The following XPO1 variants were observed in gnomAD, a reference collection of about 807,000 sequenced individuals.
XPO1 encodes the protein exportin-1.
A neutral mutation model predicts 133.3 loss-of-function variants in XPO1; 5 were observed. That is an observed-to-expected ratio of 0.04 (90% CI 0.02 to 0.08). XPO1 has a LOEUF of 0.08. XPO1 is among the 10% of genes least tolerant of loss of function. XPO1 has a pLI of 1.00. For synonymous variants in XPO1, 419 were observed against 408.2 expected, an observed-to-expected ratio of 1.03 and a Z score of -0.32; for missense variants, 506 against 1,267.5, an observed-to-expected ratio of 0.40 and a Z score of 9.12.
At chr2:61,483,350 C>A (rs1357123939) in intron 21 of XPO1, 2 of 346,966 alleles carry the variant, frequency 5.8e-6, no homozygotes, top group African/African-American at 2.1e-5. Flanking sequence ...ATATAATGGA[C>A]TTTGGGGACT....
intron 17 of XPO1, 32 bp downstream of exon 17, chr2:61,490,610 G>A: frequency 1.2e-6 from 2 of 1,613,426 alleles, no homozygotes; most frequent in Non-Finnish European, 1.7e-6. Flanking sequence ...TAAATCCCAT[G>A]AAAACTTTTA....
At chr2:61,513,721 A>G (rs1163476806) in intron 4 of XPO1, among the ~76,000 whole-genome samples, 2 of 152,236 alleles carry the variant, frequency 1.3e-5, no homozygotes, top group Non-Finnish European at 2.9e-5. Flanking sequence ...AAAAATCAAC[A>G]CTGATTTTAA....
rs1186741926 is a variant in XPO1, at chr2:61,483,134, C to G, written c.2678-43G>C. ...CCAATGGAAAGTTACTACAGACTGA[C>G]AGCACTCATGATAGTATTTAGCTCT... On this transcript the variant is annotated intron_variant, in intron 21 of 24. Transcript: ENST00000401558. 1.9e-6 allele frequency: 3 copies of G among 1,584,334 alleles called. No homozygotes were observed. The South Asian group carries it at 3.4e-5, about 18-fold the overall frequency.
chr2:61,504,707 A>C (rs1479883954), intron 4 of XPO1, among the ~76,000 whole-genome samples: 1 of 152,186 alleles, frequency 6.6e-6, no homozygotes, highest in Non-Finnish European at 1.5e-5. Flanking sequence ...AGGCAGCAAA[A>C]TGCTTGTGAG....
At chr2:61,499,478 A>C (rs187444145) in intron 7 of XPO1, among the ~76,000 whole-genome samples, 2 of 152,340 alleles carry the variant, frequency 1.3e-5, no homozygotes, top group Non-Finnish European at 2.9e-5. Flanking sequence ...CTATTAAACT[A>C]GTTACCATAC....
intron 17 of XPO1, among the ~76,000 whole-genome samples, chr2:61,490,418 C>G (rs1041310174): frequency 6.6e-6 from 1 of 152,000 alleles, no homozygotes; most frequent in Non-Finnish European, 1.5e-5. Flanking sequence ...AGGCTGATCT[C>G]GAACTTCTGG....
Position 61,508,938 on chromosome 2 carries a change from G to A in XPO1, c.302-6628C>T, listed in dbSNP as rs557223484. ...ATTCCAATTCCTCTCCTCCCCAGCA[G>A]CTAATTTTCACGTACAGTTTAAGTA... On this transcript the variant is annotated intron_variant, in intron 4 of 24. Transcript: ENST00000401558. Among the ~76,000 whole-genome samples, 3 of 152,258 alleles carry A rather than the reference G, an allele frequency of 2.0e-5. No individual in the cohort carries two copies. In the South Asian group the frequency reaches 6.2e-4, roughly 32 times the overall value.
At chr2:61,527,319 T>TC (rs1364404684) in intron 2 of XPO1, among the ~76,000 whole-genome samples, 1 of 75,902 alleles carries the variant, frequency 1.3e-5, no homozygotes, top group Non-Finnish European at 2.5e-5. Flanking sequence ...GCCATGACTC[T>TC]CCAAAAAAAA....
chr2:61,482,034 CTTTTTT>C (rs1195049382), intron 23 of XPO1, among the ~76,000 whole-genome samples: 4 of 71,368 alleles, frequency 5.6e-5, no homozygotes, highest in African/African-American at 1.5e-4. Context: ...CGTGCGTGGC[CTTTTTT>C]TTTTTTTTTT....
intron 3 of XPO1, chr2:61,526,196 C>A (rs2104779500): frequency 7.5e-7 from 1 of 1,329,852 alleles, no homozygotes; most frequent in East Asian, 3.1e-5. Flanking sequence ...AATCAGACAA[C>A]CAAAAAAGCC....
At position 61,499,663 on chromosome 2, in the gene XPO1, A is replaced by T. The variant is rs1284743048; in HGVS notation, c.590+50T>A. Reference sequence around the variant, plus strand: ...CTACAATTTACATCCAAACTGCTTGAAATTGTTTGAGAAATCACTTTAAAA... The same window carrying T: ...CTACAATTTACATCCAAACTGCTTGTAATTGTTTGAGAAATCACTTTAAAA... On this transcript the variant is annotated intron_variant, in intron 7 of 24. Transcript: ENST00000401558. 2.7e-6 allele frequency: 4 copies of T among 1,492,872 alleles called. No individual in the cohort carries two copies. In the South Asian group the frequency reaches 5.3e-5, roughly 20 times the overall value. 92.5% of individuals were successfully genotyped at this position (1,492,872 alleles called of 1,614,324 possible).
intron 4 of XPO1, among the ~76,000 whole-genome samples, chr2:61,521,095 C>T (rs1040217595): frequency 4.6e-5 from 7 of 152,126 alleles, no homozygotes; most frequent in African/African-American, 1.7e-4. Context: ...GAAATGAGAA[C>T]CTCTTTTAGG....
chr2:61,496,913 G>A lies in XPO1; in HGVS notation c.854C>T (p.Thr285Ile), dbSNP rs1458775350. ...TTGCATCATTGTCAGAGTAAATAGT[G>A]TTACAAATTGTTCTTCATATTGGCT... ...SVSQYEEQFV[T>I]LFTLTMMQLK... The change falls in exon 10 of 25, where the codon ACA becomes ATA. Residue 285 changes from threonine to isoleucine, a missense_variant. By Grantham distance (89) the Thr-to-Ile change is moderately conservative (BLOSUM62 -1). This residue lies in a region of XPO1 where 134 missense variants were observed against 261.6 expected (regional missense o/e 0.51). Coordinates refer to ENST00000401558, the MANE Select transcript of XPO1 (RefSeq NM_003400.4). 3 of 1,611,562 alleles carry A rather than the reference G, an allele frequency of 1.9e-6. No individual in the cohort carries two copies. The highest frequency in any genetic ancestry group is 1.1e-5 in the South Asian group (1 of 90,320).
intron 4 of XPO1, among the ~76,000 whole-genome samples, chr2:61,511,568 T>C (rs781531646): frequency 2.6e-5 from 4 of 152,124 alleles, no homozygotes; most frequent in Non-Finnish European, 5.9e-5. Flanking sequence ...CACTCGACCA[T>C]ACACTGCTAG....
chr2:61,512,387 C>T (rs185988792), intron 4 of XPO1, among the ~76,000 whole-genome samples: 2 of 152,186 alleles, frequency 1.3e-5, no homozygotes, highest in Admixed American at 1.3e-4. Context: ...CCATAGTCAA[C>T]GAACTATGAA....
At chr2:61,479,764 T>C (rs910807936) in intron 24 of XPO1, among the ~76,000 whole-genome samples, 4 of 152,152 alleles carry the variant, frequency 2.6e-5, no homozygotes, top group Non-Finnish European at 5.9e-5. Context: ...AGTTTCACCA[T>C]GTTGCCCAGG....
chr2:61,488,816 C>G, intron 17 of XPO1, 45 bp from the exon 18 acceptor site: 1 of 1,598,782 alleles, frequency 6.3e-7, no homozygotes, highest in East Asian at 2.2e-5. Context: ...TAAGAATTAT[C>G]CACGGCTGGG....
At chr2:61,512,414 C>A (rs1698140322) in intron 4 of XPO1, among the ~76,000 whole-genome samples, 1 of 152,170 alleles carries the variant, frequency 6.6e-6, no homozygotes, top group South Asian at 2.1e-4. Context: ...AAACACCACA[C>A]ATACAGGGAA....
chr2:61,518,612 G>C (rs765930834), intron 4 of XPO1, among the ~76,000 whole-genome samples: 1 of 151,656 alleles, frequency 6.6e-6, no homozygotes, highest in Non-Finnish European at 1.5e-5. Context: ...GCGAGACTCT[G>C]TCTTAAACAA....
Sources: allele counts gnomAD v4.1 joint callset (sites outside exome capture counted in the v4.1 genomes callset), GRCh38; gene constraint gnomAD v4.1.1; regional missense constraint gnomAD v4.1.1; transcripts MANE v1.5; gene names NCBI Gene and HGNC (gene_info 2026-07-23, HGNC 2026-07-21).